The following ATXN3 variants were observed in gnomAD, a reference collection of about 807,000 sequenced individuals.
ATXN3 encodes ataxin 3, also known as ataxin-3.
A neutral mutation model predicts 58.2 loss-of-function variants in ATXN3; 28 were observed. The observed-to-expected ratio is 0.48, with a 90% CI of 0.36 to 0.66. The LOEUF is 0.66. Ranked by LOEUF, ATXN3 falls within the 30% of genes least tolerant of loss-of-function variation. The probability of loss-of-function intolerance (pLI) is 0.00; values close to 1 mark genes in which losing one functional copy is unlikely to be tolerated. For missense variants in ATXN3, 321 were observed against 422.1 expected (o/e 0.76, Z 2.10); for synonymous variants, 113 against 138.5 (o/e 0.82, Z 1.29).
chr14:92,094,152 G>A (rs937226491), intron 3 of ATXN3, among the ~76,000 whole-genome samples: 2 of 152,012 alleles, frequency 1.3e-5, no homozygotes, highest in African/African-American at 2.4e-5. Flanking sequence ...TTGTTGGCCA[G>A]GCTGGTCTCA....
At chr14:92,077,890 G>A (rs1404233565) in intron 9 of ATXN3, among the ~76,000 whole-genome samples, 4 of 151,134 alleles carry the variant, frequency 2.6e-5, no homozygotes, top group African/African-American at 9.7e-5. Context: ...CAAGTGATCT[G>A]CCTGCCTCAG....
At chr14:92,049,149 G>A (rs2140162260) in intron 1 of ATXN3, among the ~76,000 whole-genome samples, 1 of 152,300 alleles carries the variant, frequency 6.6e-6, no homozygotes, top group Admixed American at 6.5e-5. Flanking sequence ...GGTGTGAGTT[G>A]AAGAGGTTTT....
At chr14:92,091,892 G>A (rs144237516) in intron 5 of ATXN3, among the ~76,000 whole-genome samples, 212 of 150,004 alleles carry the variant, frequency 1.4e-3, no homozygotes, top group Non-Finnish European at 2.3e-3. Flanking sequence ...ATGGGGTCTT[G>A]TGCCATTGCC....
chr14:92,078,426 G>T (rs549296263), intron 9 of ATXN3, among the ~76,000 whole-genome samples: 2 of 151,840 alleles, frequency 1.3e-5, no homozygotes, highest in East Asian at 3.9e-4. Context: ...GCAATGGCAC[G>T]ATCTCGGCTC....
At chr14:92,075,147 T>TAATAGGG (rs1167845828) in intron 9 of ATXN3, among the ~76,000 whole-genome samples, 1 of 146,042 alleles carries the variant, frequency 6.8e-6, no homozygotes, top group African/African-American at 2.6e-5. Flanking sequence ...TATGAATCTG[T>TAATAGGG]AATAGGGAGT....
At chr14:92,045,267 A>G (rs1276104362) in intron 2 of ATXN3, among the ~76,000 whole-genome samples, 1 of 152,180 alleles carries the variant, frequency 6.6e-6, no homozygotes, top group African/African-American at 2.4e-5. Context: ...GGTAAGGGGT[A>G]TGAAGGTTCC....
At chr14:92,065,648 G>A (rs1318900738) in intron 10 of ATXN3, among the ~76,000 whole-genome samples, 2 of 152,282 alleles carry the variant, frequency 1.3e-5, no homozygotes, top group East Asian at 3.9e-4. Context: ...TTGGGAAGCC[G>A]AGGTGGGCGG....
intron 9 of ATXN3, among the ~76,000 whole-genome samples, chr14:92,076,448 C>G (rs1455727280): frequency 1.5e-4 from 7 of 47,346 alleles, no homozygotes; most frequent in Non-Finnish European, 2.4e-4. Context: ...GACCTCGTCT[C>G]AAAAAAGAAA....
intron 9 of ATXN3, chr14:92,071,324 G>C: frequency 1.7e-6 from 1 of 579,950 alleles, no homozygotes; most frequent in Non-Finnish European, 3.1e-6. Flanking sequence ...GGCCAGGAGT[G>C]GTGGCTCACA....
chr14:92,075,519 A>G (rs941360420), intron 9 of ATXN3, among the ~76,000 whole-genome samples: 1 of 152,176 alleles, frequency 6.6e-6, no homozygotes, highest in East Asian at 1.9e-4. Context: ...GCATTTATGC[A>G]ATTACTTTAT....
Position 92,081,055 on chromosome 14 carries a change from G to A in ATXN3, c.782C>T (p.Ser261Phe). 6.2e-7 allele frequency: 1 copy of A among 1,600,196 alleles called. No individual in the cohort carries two copies. Among genetic ancestry groups the A allele is most frequent in the South Asian group, 1.1e-5 (1 of 90,692 alleles). The change falls in exon 9 of 11, where the codon TCC (serine) becomes TTC (phenylalanine). Residue 261 changes from serine (S) to phenylalanine (F), a missense_variant. Ser to Phe is a radical substitution (Grantham distance 155). Around this residue, in one of 2 missense-constraint regions of ATXN3, gnomAD observed 200 missense variants for 223.2 expected, o/e 0.90. Coordinates refer to ENST00000644486, the MANE Select transcript of ATXN3 (RefSeq NM_004993.6). ...TGTCATATCTTGAGATATGTTTCTGGAACTACCTGAAAACAAAACACAACA... is the reference window on the plus strand; with the variant it reads ...TGTCATATCTTGAGATATGTTTCTGAAACTACCTGAAAACAAAACACAACA... ...RAIQLSMQGS[S>F]RNISQDMTQT...
chr14:92,077,801 T>C (rs10145053), intron 9 of ATXN3, among the ~76,000 whole-genome samples: 43,689 of 151,652 alleles, frequency 0.29, 6,698 homozygotes, highest in East Asian at 0.44. Context: ...TGCACCACCA[T>C]GCCCAACTAA....
chr14:92,101,794 G>T (rs1170210834), intron 1 of ATXN3, among the ~76,000 whole-genome samples: 1 of 152,190 alleles, frequency 6.6e-6, no homozygotes, highest in Non-Finnish European at 1.5e-5. Context: ...GGAGGCGGAG[G>T]TTGCAGTGAG....
At chr14:92,086,840 T>G (rs2062697856) in intron 6 of ATXN3, among the ~76,000 whole-genome samples, 1 of 148,610 alleles carries the variant, frequency 6.7e-6, no homozygotes, top group Admixed American at 6.6e-5. Context: ...GGGAACTGAT[T>G]ATATAAGAGA....
chr14:92,084,536 C>G (rs923512633), intron 6 of ATXN3, among the ~76,000 whole-genome samples: 2 of 151,916 alleles, frequency 1.3e-5, no homozygotes, highest in African/African-American at 4.8e-5. Flanking sequence ...TGGGCTATAC[C>G]TAAAACAATC....
At chr14:92,056,353 TA>T (rs1287829882), downstream of ATXN3, among the ~76,000 whole-genome samples, 1 of 152,192 alleles carries the variant, frequency 6.6e-6, no homozygotes, top group East Asian at 1.9e-4. Flanking sequence ...TGCCGGTATG[TA>T]AAAAAGCTAC....
downstream of ATXN3, among the ~76,000 whole-genome samples, chr14:92,056,019 A>G (rs979356555): frequency 1.3e-5 from 2 of 152,164 alleles, no homozygotes; most frequent in African/African-American, 4.8e-5. Context: ...AGTGTTGGAG[A>G]CAGAGATGCC....
chr14:92,056,472 G>C (rs1595427554), downstream of ATXN3, among the ~76,000 whole-genome samples: 5 of 152,248 alleles, frequency 3.3e-5, no homozygotes, highest in South Asian at 1.0e-3. Flanking sequence ...CTACAACATG[G>C]ATGAACCTTG....
At chr14:92,045,820 G>A (rs893052866) in intron 2 of ATXN3, among the ~76,000 whole-genome samples, 2 of 152,184 alleles carry the variant, frequency 1.3e-5, no homozygotes, top group Admixed American at 1.3e-4. Context: ...ATAGGTGGAA[G>A]TTTCAGTCGG....
Sources: gnomAD v4.1 joint callset for allele counts (sites outside exome capture counted in the v4.1 genomes callset) on GRCh38, gnomAD v4.1.1 for gene constraint, gnomAD v4.1.1 regional missense constraint, MANE v1.5 for transcripts, NCBI Gene and HGNC (gene_info 2026-07-23, HGNC 2026-07-21) for gene names.